The following XRN1 variants were observed in gnomAD, a reference collection of about 807,000 sequenced individuals.
XRN1 encodes 5'-3' exoribonuclease 1.
XRN1 carries 67 observed loss-of-function variants against 222.3 expected under a neutral mutation model. The ratio of observed to expected loss-of-function variants is 0.30; its 90% CI spans 0.25 to 0.37. XRN1 has a LOEUF of 0.37. Among genes scored for constraint, XRN1 ranks in the 10% least tolerant of loss-of-function variants. The pLI, the probability that XRN1 is intolerant of heterozygous loss-of-function variation, is 1.00. For missense variants in XRN1, 1,707 were observed against 2,000.2 expected (o/e 0.85, Z 2.80); for synonymous variants, 643 against 652.4 (o/e 0.99, Z 0.22).
At chr3:142,389,391 G>A (rs1464445423) in intron 20 of XRN1, among the ~76,000 whole-genome samples, 1 of 152,026 alleles carries the variant, frequency 6.6e-6, no homozygotes, top group Non-Finnish European at 1.5e-5. Context: ...CATATAGGAG[G>A]GTCGGAATCA....
intron 13 of XRN1, among the ~76,000 whole-genome samples, chr3:142,416,284 G>A (rs1297695138): frequency 1.3e-5 from 2 of 152,100 alleles, no homozygotes; most frequent in Admixed American, 1.3e-4. Context: ...CAAAGTTCAA[G>A]CGATTCTCCA....
chr3:142,423,001 C>A (rs2069102162), intron 6 of XRN1, 79 bp from the exon 7 acceptor site: 3 of 1,120,396 alleles, frequency 2.7e-6, no homozygotes, highest in African/African-American at 1.6e-5. Flanking sequence ...AAGCTTAAAT[C>A]AAAAGTATCA....
chr3:142,392,046 T>C (rs1329193393), intron 20 of XRN1, among the ~76,000 whole-genome samples: 2 of 152,112 alleles, frequency 1.3e-5, no homozygotes, highest in African/African-American at 2.4e-5. Context: ...CACTCCATTT[T>C]ATCCTCAACT....
chr3:142,338,242 G>A (rs1418195229), intron 33 of XRN1, among the ~76,000 whole-genome samples: 1 of 152,180 alleles, frequency 6.6e-6, no homozygotes, highest in Non-Finnish European at 1.5e-5. Context: ...AAAGAAAAGG[G>A]AAGAGTAAAG....
At chr3:142,385,134 G>A (rs925791275) in intron 20 of XRN1, among the ~76,000 whole-genome samples, 6 of 151,956 alleles carry the variant, frequency 3.9e-5, no homozygotes, top group Non-Finnish European at 8.8e-5. Flanking sequence ...CAACCCCCCC[G>A]GATTGGAAAC....
intron 8 of XRN1, among the ~76,000 whole-genome samples, chr3:142,422,281 C>T (rs1356386316): frequency 2.6e-5 from 4 of 151,876 alleles, no homozygotes; most frequent in African/African-American, 4.8e-5. Context: ...GTTGCACTGT[C>T]GCCACTGCAC....
At chr3:142,380,388 A>C (rs2107927477) in intron 22 of XRN1, among the ~76,000 whole-genome samples, 1 of 152,282 alleles carries the variant, frequency 6.6e-6, no homozygotes, top group South Asian at 2.1e-4. Flanking sequence ...AGGATCTATA[A>C]TACTATAAAT....
chr3:142,371,382 A>T (rs568695101), intron 25 of XRN1, 54 bp from the exon 26 acceptor site: 1 of 1,304,152 alleles, frequency 7.7e-7, no homozygotes, highest in African/African-American at 1.5e-5. Flanking sequence ...AATTTCGGAT[A>T]AACTTCCTAC....
intron 22 of XRN1, among the ~76,000 whole-genome samples, chr3:142,380,873 C>T (rs2067280738): frequency 6.6e-6 from 1 of 152,136 alleles, no homozygotes. Flanking sequence ...GTCTCAAACT[C>T]CTGTGCTCAA....
Position 142,311,800 on chromosome 3 carries a change from CT to C in XRN1, c.4795del (p.Arg1599GlyfsTer34). 3.1e-6 allele frequency: 5 copies of C among 1,588,684 alleles called. No homozygotes were observed. The highest frequency in any genetic ancestry group is 1.9e-5 in the Admixed American group (1 of 53,874). On this transcript the variant is annotated frameshift_variant, in exon 41 of 41. Coordinates refer to ENST00000392981, the MANE Select transcript of XRN1 (RefSeq NM_001282857.2). LOFTEE classifies it high-confidence loss of function. ...CTCAAAGTTCTTTTTGTTTGCAACC[CT>C]TTTTTTAGTAACCTGTTAGGAATAA... ...QFIPLQVTKK[R>X]VANKKNFENK...
Position 142,310,325 on chromosome 3 carries a change from GAATA to G in XRN1, c.*1182_*1185del, listed in dbSNP as rs775895632. On this transcript the variant is annotated 3_prime_UTR_variant, in exon 41 of 41. Coordinates refer to ENST00000392981, the MANE Select transcript of XRN1 (RefSeq NM_001282857.2). Reference sequence around the variant, plus strand: ...ATATAAGCATATCACAAAAACTAAAGAATAAATATATATATATATATAAACATAG... The same window carrying G: ...ATATAAGCATATCACAAAAACTAAAGAATATATATATATATATAAACATAG... The G allele has an allele frequency of 2.0e-5, 3 of 151,732 alleles. No homozygotes were observed. Among genetic ancestry groups the G allele is most frequent in the African/African-American group, 4.9e-5 (2 of 41,232 alleles). 9.4% of individuals were successfully genotyped at this position (151,732 alleles called of 1,614,324 possible).
chr3:142,420,854 T>C (rs2068998880), intron 10 of XRN1, among the ~76,000 whole-genome samples, 162 bp downstream of exon 10: 1 of 151,912 alleles, frequency 6.6e-6, no homozygotes, highest in Admixed American at 6.6e-5. Context: ...TGACAGAAGC[T>C]AATAGAAAAA....
chr3:142,380,053 A>T, intron 23 of XRN1, 29 bp downstream of exon 23: 1 of 1,561,452 alleles, frequency 6.4e-7, no homozygotes, highest in Non-Finnish European at 8.7e-7. Context: ...ATCAATTCTA[A>T]ATGAAACAAT....
intron 32 of XRN1, among the ~76,000 whole-genome samples, chr3:142,351,838 C>T (rs933326979): frequency 1.3e-5 from 2 of 151,624 alleles, no homozygotes; most frequent in East Asian, 1.9e-4. Context: ...TCCACCATCA[C>T]CTCAACCTCA....
chr3:142,361,965 T>C (rs1449814983), intron 29 of XRN1, among the ~76,000 whole-genome samples: 78 of 53,166 alleles, frequency 1.5e-3, no homozygotes, highest in Admixed American at 3.1e-3. Context: ...TTTTCTCTCT[T>C]TTTTTTTTTT....
chr3:142,391,289 G>A (rs1409410090), intron 20 of XRN1, among the ~76,000 whole-genome samples: 2 of 152,168 alleles, frequency 1.3e-5, no homozygotes, highest in Non-Finnish European at 2.9e-5. Context: ...AGGTATGGCT[G>A]TATTTCGATG....
chr3:142,347,160 T>G (rs987284153), intron 33 of XRN1, 74 bp downstream of exon 33: 5 of 1,069,694 alleles, frequency 4.7e-6, no homozygotes, highest in Non-Finnish European at 6.9e-6. Context: ...GTATGTAAAT[T>G]ATATCAATAA....
At chr3:142,416,622 A>G (rs1559865120) in intron 13 of XRN1, among the ~76,000 whole-genome samples, 2 of 152,262 alleles carry the variant, frequency 1.3e-5, no homozygotes, top group African/African-American at 4.8e-5. Flanking sequence ...ACTTTGATAG[A>G]GAACATTAAA....
intron 37 of XRN1, among the ~76,000 whole-genome samples, chr3:142,327,983 C>T (rs1488943838): frequency 2.0e-5 from 3 of 152,172 alleles, no homozygotes; most frequent in Admixed American, 2.0e-4. Flanking sequence ...CATGTTGCTG[C>T]AAAAGACATG....
Sources: gnomAD v4.1 joint callset for allele counts (sites outside exome capture counted in the v4.1 genomes callset) on GRCh38, gnomAD v4.1.1 for gene constraint, MANE v1.5 for transcripts, NCBI Gene and HGNC (gene_info 2026-07-23, HGNC 2026-07-21) for gene names.